The following FADS1 variants were observed in gnomAD, a reference collection of about 807,000 sequenced individuals.
The protein encoded by FADS1 is fatty acid desaturase 1.
FADS1 carries 17 observed loss-of-function variants against 61.6 expected under a neutral mutation model. The ratio of observed to expected loss-of-function variants is 0.28; its 90% CI spans 0.19 to 0.41. The LOEUF (loss-of-function observed/expected upper bound fraction) is 0.41. Among genes scored for constraint, FADS1 ranks in the 10% least tolerant of loss-of-function variants. FADS1 has a pLI of 1.00. For synonymous variants in FADS1, 238 were observed against 258.7 expected (o/e 0.92, Z 0.77); for missense variants, 387 against 650.9 (o/e 0.59, Z 4.41).
At chr11:61,813,402 C>T in intron 1 of FADS1, 49 bp from the exon 2 acceptor site, 1 of 1,139,156 alleles carries the variant, frequency 8.8e-7, no homozygotes, top group Non-Finnish European at 1.3e-6. Flanking sequence ...GCCCCCTGGA[C>T]TCCGGCAGTG....
chr11:61,813,381 T>C lies in FADS1; in HGVS notation c.376-28A>G, dbSNP rs879240527. On this transcript the variant is annotated intron_variant, in intron 1 of 11. Coordinates refer to ENST00000350997, the MANE Select transcript of FADS1 (RefSeq NM_013402.7). ...GCAAGTGCCGGGAGAAGATGAAAGG[T>C]GAGGGAGCCAGCCCCCTGGACTCCG... 2.1e-6 allele frequency: 3 copies of C among 1,395,520 alleles called. No homozygotes were observed. In the South Asian group the frequency reaches 3.5e-5, roughly 16 times the overall value. The allele number at this position is 1,395,520 out of a possible 1,614,324, so 86.4% of individuals were successfully genotyped here.
chr11:61,812,664 T>C lies in FADS1; in HGVS notation c.491A>G (p.Glu164Gly), dbSNP rs988619168. 1 of 1,613,794 alleles carries C rather than the reference T, an allele frequency of 6.2e-7. No homozygotes were observed. The highest frequency in any genetic ancestry group is 1.6e-4 in the Middle Eastern group (1 of 6,062). ...CAGCTCCCGGAACTCATCTGTCAGC[T>C]CTTTCTGCAGAAGAGGAAGAGGAGC... ...QPSFEPTKNK[E>G]LTDEFRELRA... Residue 164 changes from glutamate to glycine, a missense_variant, in exon 3 of 12, where the codon GAG (glutamate) becomes GGG (glycine). Glu to Gly is a moderately conservative substitution (Grantham distance 98). Transcript: ENST00000350997.
In FADS1 at chr11:61,800,471, G is replaced by C. The variant is rs1472221469; in HGVS notation, c.*1940C>G. 6.6e-6 allele frequency: 1 copy of C among 152,336 alleles called. No individual in the cohort carries two copies. Among genetic ancestry groups the C allele is most frequent in the Non-Finnish European group, 1.5e-5 (1 of 68,038 alleles). The allele number at this position is 152,336 out of a possible 1,614,324, so 9.4% of individuals were successfully genotyped here. A position where few individuals can be genotyped will look rare whatever the true frequency, so the allele number is the denominator to read the frequency against. On this transcript the variant is annotated 3_prime_UTR_variant, in exon 12 of 12. Coordinates refer to ENST00000350997, the MANE Select transcript of FADS1 (RefSeq NM_013402.7). ...TGCAGCCCATTCTTCCTGTGTCTTT[G>C]TGTTGACAAACCTCTAATCTTCCAT... is the stretch of plus-strand genomic sequence containing the variant.
intron 5 of FADS1, among the ~76,000 whole-genome samples, chr11:61,809,293 T>C (rs1336769608): frequency 6.6e-6 from 1 of 152,250 alleles, no homozygotes; most frequent in African/African-American, 2.4e-5. Flanking sequence ...GTTTTTAATC[T>C]GTAAGTTACG....
At position 61,802,570 on chromosome 11, in the gene FADS1, C is replaced by T. The variant is rs1158522195; in HGVS notation, c.1455-108G>A. On this transcript the variant is annotated intron_variant, in intron 11 of 11. Coordinates refer to ENST00000350997, the MANE Select transcript of FADS1 (RefSeq NM_013402.7). This position sits in a 1 kb window ranked among gnomAD's most constrained non-coding sequence, Gnocchi z 4.2. Reference sequence around the variant, plus strand: ...TTCTTCCATCTGGAGGTTTTCCTCCCCTCTACTTTAGAGAAAGCTAGCTTG... The same window carrying T: ...TTCTTCCATCTGGAGGTTTTCCTCCTCTCTACTTTAGAGAAAGCTAGCTTG... The T allele has an allele frequency of 1.6e-6, 2 of 1,283,740 alleles. No homozygotes were observed. The highest frequency in any genetic ancestry group is 2.5e-5 in the East Asian group (1 of 39,762). 79.5% of individuals were successfully genotyped at this position (1,283,740 alleles called of 1,614,324 possible). A position where few individuals can be genotyped will look rare whatever the true frequency, so the allele number is the denominator to read the frequency against.
In FADS1 at chr11:61,816,316, T is replaced by C; in HGVS notation, c.375+239A>G. On this transcript the variant is annotated intron_variant, in intron 1 of 11. Transcript: ENST00000350997. This position sits in a 1 kb window ranked among gnomAD's most constrained non-coding sequence, Gnocchi z 7.0. The stretch of plus-strand genomic sequence containing the variant: ...CGGCAGGGAGGCGGGACCCTTTGTT[T>C]GTGTGTGCGTGTTGTTGGCCTCCAT... 6.3e-7 allele frequency: 1 copy of C among 1,598,316 alleles called. No individual in the cohort carries two copies. Among genetic ancestry groups the C allele is most frequent in the Non-Finnish European group, 8.5e-7 (1 of 1,179,782 alleles).
intron 6 of FADS1, 114 bp downstream of exon 6, chr11:61,806,550 C>T: frequency 1.1e-6 from 1 of 948,568 alleles, no homozygotes; most frequent in South Asian, 1.3e-5. Context: ...GAGTGGGGTA[C>T]TTCCTCTAGC....
At chr11:61,812,999 A>C (rs2066942059) in intron 2 of FADS1, among the ~76,000 whole-genome samples, 1 of 152,044 alleles carries the variant, frequency 6.6e-6, no homozygotes, top group African/African-American at 2.4e-5. Context: ...ATATGATAAC[A>C]ATGATGATAA....
In FADS1 at chr11:61,805,425, T is replaced by C. The variant is rs182496543; in HGVS notation, c.977-664A>G. On this transcript the variant is annotated intron_variant, in intron 6 of 11. Coordinates refer to ENST00000350997, the MANE Select transcript of FADS1 (RefSeq NM_013402.7). Reference sequence around the variant, plus strand: ...TGGGAGTTGAAGAAGTGTTGCATTCTACATGCTTCCTCATTTCCTTTTCTG... The same window carrying C: ...TGGGAGTTGAAGAAGTGTTGCATTCCACATGCTTCCTCATTTCCTTTTCTG... 9 of 152,404 alleles carry C rather than the reference T, an allele frequency of 5.9e-5. No homozygotes were observed. The East Asian group carries it at 1.2e-3, about 20-fold the overall frequency. The allele number at this position is 152,404 out of a possible 1,614,324, so 9.4% of individuals were successfully genotyped here. A position where few individuals can be genotyped will look rare whatever the true frequency, so the allele number is the denominator to read the frequency against.
chr11:61,816,154 G>A lies in FADS1; in HGVS notation c.375+401C>T. ...CCTCTCCTAGCCATCGAGACAGGAT[G>A]TGACTCCCTCCCCTGGCCACTGACC... On this transcript the variant is annotated intron_variant, in intron 1 of 11. Transcript: ENST00000350997. This position sits in a 1 kb window ranked among gnomAD's most constrained non-coding sequence, Gnocchi z 7.0. 1 of 1,038,168 alleles carries A rather than the reference G, an allele frequency of 9.6e-7. No homozygotes were observed. Among genetic ancestry groups the A allele is most frequent in the Non-Finnish European group, 1.4e-6 (1 of 721,716 alleles). 64.3% of individuals were successfully genotyped at this position (1,038,168 alleles called of 1,614,324 possible). A position where few individuals can be genotyped will look rare whatever the true frequency, so the allele number is the denominator to read the frequency against.
At chr11:61,814,744 G>C (rs1239322715) in intron 1 of FADS1, 1 of 152,154 alleles carries the variant, frequency 6.6e-6, no homozygotes, top group African/African-American at 2.4e-5. Flanking sequence ...GCTAGCTACA[G>C]AGCGCCAATT....
intron 5 of FADS1, among the ~76,000 whole-genome samples, chr11:61,807,756 A>G (rs2066903530): frequency 1.3e-5 from 2 of 152,210 alleles, no homozygotes; most frequent in Non-Finnish European, 2.9e-5. Context: ...TCGCACTCCA[A>G]TTAGTTCAGG....
intron 5 of FADS1, among the ~76,000 whole-genome samples, chr11:61,810,523 T>A (rs2066924059): frequency 6.6e-6 from 1 of 152,224 alleles, no homozygotes; most frequent in East Asian, 1.9e-4. Context: ...GTGCCTTTTA[T>A]GCAGTAACGG....
chr11:61,811,337 T>C (rs755260081), intron 3 of FADS1, among the ~76,000 whole-genome samples: 6 of 152,104 alleles, frequency 3.9e-5, no homozygotes, highest in Non-Finnish European at 7.4e-5. Context: ...AGTTTTGTTC[T>C]TGTTGCCCAG....
At position 61,801,238 on chromosome 11, in the gene FADS1, C is replaced by G. The variant is rs1262427128; in HGVS notation, c.*1173G>C. ...GTCTTTCCTCATGACTGATAATTATCTCCCAATTTGGTCACTTCTGCTAAT... is the reference window on the plus strand; with the variant it reads ...GTCTTTCCTCATGACTGATAATTATGTCCCAATTTGGTCACTTCTGCTAAT... On this transcript the variant is annotated 3_prime_UTR_variant, in exon 12 of 12. Transcript: ENST00000350997. 1 of 152,328 alleles carries G rather than the reference C, an allele frequency of 6.6e-6. No homozygotes were observed. Among genetic ancestry groups the G allele is most frequent in the African/African-American group, 2.4e-5 (1 of 41,442 alleles). 9.4% of individuals were successfully genotyped at this position (152,328 alleles called of 1,614,324 possible). A position where few individuals can be genotyped will look rare whatever the true frequency, so the allele number is the denominator to read the frequency against.
intron 5 of FADS1, among the ~76,000 whole-genome samples, chr11:61,807,502 T>G (rs1303519447): frequency 4.6e-5 from 7 of 152,236 alleles, no homozygotes; most frequent in Admixed American, 3.3e-4. Flanking sequence ...AACATGAGCT[T>G]TATCAAATCT....
In FADS1 at chr11:61,816,816, G is replaced by A; in HGVS notation, c.114C>T (p.Thr38=). The A allele has an allele frequency of 1.3e-6, 2 of 1,494,026 alleles. No homozygotes were observed. The highest frequency in any genetic ancestry group is 1.8e-6 in the Non-Finnish European group (2 of 1,132,296). 92.5% of individuals were successfully genotyped at this position (1,494,026 alleles called of 1,614,324 possible). ...RQQIHSWSPR[T]PSTRLTAPAG... is the part of the protein sequence containing the mutation. ...CAGGGGCTGTCAGGCGCGTGCTCGG[G>A]GTCCGCGGGCTCCAGGAGTGGATTT... Residue 38 remains threonine, a synonymous_variant, in exon 1 of 12, where the codon ACC becomes ACT. Coordinates refer to ENST00000350997, the MANE Select transcript of FADS1 (RefSeq NM_013402.7). This position sits in a 1 kb window ranked among gnomAD's most constrained non-coding sequence, Gnocchi z 7.0.
rs903270534 is a variant in FADS1, at chr11:61,802,579, T to C, written c.1455-117A>G. 51 of 1,242,754 alleles carry C rather than the reference T, an allele frequency of 4.1e-5. No homozygotes were observed. The highest frequency in any genetic ancestry group is 9.9e-5 in the Admixed American group (5 of 50,254). The allele number at this position is 1,242,754 out of a possible 1,614,324, so 77.0% of individuals were successfully genotyped here. On this transcript the variant is annotated intron_variant, in intron 11 of 11. Transcript: ENST00000350997. This position sits in a 1 kb window ranked among gnomAD's most constrained non-coding sequence, Gnocchi z 4.2. Reference sequence around the variant, plus strand: ...CTGGAGGTTTTCCTCCCCTCTACTTTAGAGAAAGCTAGCTTGGGCCATGGT... The same window carrying C: ...CTGGAGGTTTTCCTCCCCTCTACTTCAGAGAAAGCTAGCTTGGGCCATGGT...
intron 6 of FADS1, 44 bp from the exon 7 acceptor site, chr11:61,804,805 G>A (rs770500579): frequency 1.0e-5 from 16 of 1,530,440 alleles, no homozygotes; most frequent in Non-Finnish European, 1.4e-5. Flanking sequence ...AGCACAGGAA[G>A]GTCATGAAAG....
Sources: allele counts gnomAD v4.1 joint callset (sites outside exome capture counted in the v4.1 genomes callset), GRCh38; gene constraint gnomAD v4.1.1; non-coding constraint Gnocchi (gnomAD v3.1); transcripts MANE v1.5; gene names NCBI Gene and HGNC (gene_info 2026-07-23, HGNC 2026-07-21).